PDCD10: variants seen among roughly 807,000 people sequenced by gnomAD.
PDCD10 encodes programmed cell death 10, also known as programmed cell death protein 10.
A neutral mutation model predicts 29.2 loss-of-function variants in PDCD10; 4 were observed. The ratio of observed to expected loss-of-function variants is 0.14; its 90% CI spans 0.07 to 0.31. The LOEUF (loss-of-function observed/expected upper bound fraction) is 0.31. Among genes scored for constraint, PDCD10 ranks in the 10% least tolerant of loss-of-function variants. The pLI is 1.00. For synonymous variants in PDCD10, 70 were observed against 82.2 expected (o/e 0.85, Z 0.80); for missense variants, 183 against 257.9 (o/e 0.71, Z 1.99).
intron 4 of PDCD10, among the ~76,000 whole-genome samples, chr3:167,700,642 A>G (rs892825001): frequency 2.6e-5 from 4 of 152,166 alleles, no homozygotes; most frequent in Non-Finnish European, 5.9e-5. Context: ...ATACCTATAG[A>G]CCCTAATATG....
At chr3:167,724,239 CAGTT>C (rs1176668349) in intron 2 of PDCD10, among the ~76,000 whole-genome samples, 1 of 152,200 alleles carries the variant, frequency 6.6e-6, no homozygotes, top group Non-Finnish European at 1.5e-5. Context: ...AGGCACTTCT[CAGTT>C]AGAAAAACAG....
intron 4 of PDCD10, among the ~76,000 whole-genome samples, chr3:167,698,643 C>T (rs1434754536): frequency 1.7e-4 from 26 of 152,154 alleles, no homozygotes; most frequent in Admixed American, 1.7e-3. Context: ...ATGCGGTGAA[C>T]TGCCACAAAA....
chr3:167,723,040 A>G (rs553768931), intron 2 of PDCD10, among the ~76,000 whole-genome samples: 1 of 152,314 alleles, frequency 6.6e-6, no homozygotes, highest in South Asian at 2.1e-4. Flanking sequence ...CTTATGAAAA[A>G]TGCTCCAAAG....
rs568748327 is a variant in PDCD10, at chr3:167,705,079, C to T, written c.97-184G>A. 7.2e-5 allele frequency among the ~76,000 whole-genome samples: 11 copies of T among 152,026 alleles called. No individual in the cohort carries two copies. In the South Asian group the frequency reaches 2.3e-3, roughly 32 times the overall value. ...AAATTTTCAATGAAAAAATATATGT[C>T]CTTAATTTTTTATTAAAAAAATTAA... On this transcript the variant is annotated intron_variant, in intron 3 of 8. Coordinates refer to ENST00000392750, the MANE Select transcript of PDCD10 (RefSeq NM_007217.4).
intron 3 of PDCD10, among the ~76,000 whole-genome samples, chr3:167,706,496 T>C (rs1470517526): frequency 6.6e-6 from 1 of 152,238 alleles, no homozygotes; most frequent in African/African-American, 2.4e-5. Flanking sequence ...AACCTGATGT[T>C]TACTGAACTA....
intron 2 of PDCD10, among the ~76,000 whole-genome samples, chr3:167,728,103 AGT>A (rs1234092309): frequency 5.3e-5 from 8 of 152,168 alleles, no homozygotes; most frequent in Non-Finnish European, 8.8e-5. Flanking sequence ...ACTTCGCAAA[AGT>A]GTGATTTATT....
chr3:167,701,653 C>T (rs1184698188), intron 4 of PDCD10, among the ~76,000 whole-genome samples: 2 of 152,246 alleles, frequency 1.3e-5, no homozygotes, highest in East Asian at 1.9e-4. Flanking sequence ...GATCAAGAAC[C>T]TTTAAAGCTC....
chr3:167,723,247 G>A (rs913394225), intron 2 of PDCD10, among the ~76,000 whole-genome samples: 4 of 152,104 alleles, frequency 2.6e-5, no homozygotes, highest in African/African-American at 9.7e-5. Flanking sequence ...AATAGTTCAA[G>A]GGACAACCTG....
chr3:167,724,283 T>C (rs1354637940), intron 2 of PDCD10, among the ~76,000 whole-genome samples: 2 of 152,224 alleles, frequency 1.3e-5, no homozygotes, highest in African/African-American at 4.8e-5. Flanking sequence ...CTTAAAACGT[T>C]TGTAGGCAGG....
At chr3:167,703,319 A>G (rs967833383) in intron 4 of PDCD10, among the ~76,000 whole-genome samples, 2 of 152,092 alleles carry the variant, frequency 1.3e-5, no homozygotes, top group African/African-American at 4.8e-5. Flanking sequence ...CATTAACCCA[A>G]TGATTTGGCA....
chr3:167,687,209 G>A, intron 8 of PDCD10, 25 bp downstream of exon 8: 1 of 1,134,508 alleles, frequency 8.8e-7, no homozygotes, highest in Non-Finnish European at 1.3e-6. Flanking sequence ...AATTTTAAAA[G>A]TAAAGGATAA....
At chr3:167,726,030 T>C (rs1478571649) in intron 2 of PDCD10, among the ~76,000 whole-genome samples, 1 of 150,860 alleles carries the variant, frequency 6.6e-6, no homozygotes, top group Middle Eastern at 3.5e-3. Context: ...GATCTTCAAC[T>C]TGGTGCTGCT....
intron 3 of PDCD10, among the ~76,000 whole-genome samples, chr3:167,717,067 G>A (rs1432338956): frequency 2.6e-5 from 4 of 151,946 alleles, no homozygotes; most frequent in African/African-American, 9.7e-5. Context: ...CTATTTCACA[G>A]TACATTTACA....
chr3:167,699,774 T>C (rs1052505188), intron 4 of PDCD10, among the ~76,000 whole-genome samples: 6 of 152,230 alleles, frequency 3.9e-5, no homozygotes, highest in Non-Finnish European at 7.3e-5. Context: ...AAGTAGAATA[T>C]AGCTGACCCT....
At chr3:167,731,111 G>C (rs975163399) in intron 2 of PDCD10, 2 of 152,024 alleles carry the variant, frequency 1.3e-5, no homozygotes, top group South Asian at 4.1e-4. Flanking sequence ...ACTTTTTTTA[G>C]TTTAATAAGT....
chr3:167,723,719 T>C (rs1035720602), intron 2 of PDCD10, among the ~76,000 whole-genome samples: 9 of 152,238 alleles, frequency 5.9e-5, no homozygotes, highest in South Asian at 2.1e-4. Context: ...AAGCTTTGTG[T>C]ACTGTTGGCA....
At chr3:167,698,874 C>T (rs1721084916) in intron 4 of PDCD10, among the ~76,000 whole-genome samples, 1 of 152,050 alleles carries the variant, frequency 6.6e-6, no homozygotes, top group East Asian at 1.9e-4. Context: ...GTCTGGGACC[C>T]CAAAATGCTA....
chr3:167,715,422 C>G (rs927836703), intron 3 of PDCD10, among the ~76,000 whole-genome samples: 4 of 151,708 alleles, frequency 2.6e-5, no homozygotes, highest in African/African-American at 9.7e-5. Context: ...AATAGCACAT[C>G]AAGTTAAAAA....
At chr3:167,721,363 A>C (rs757920559) in intron 2 of PDCD10, among the ~76,000 whole-genome samples, 9 of 152,276 alleles carry the variant, frequency 5.9e-5, no homozygotes, top group South Asian at 2.1e-4. Flanking sequence ...CAGATCTTAT[A>C]CTCTCACATA....
Sources: gnomAD v4.1 joint callset for allele counts (sites outside exome capture counted in the v4.1 genomes callset) on GRCh38, gnomAD v4.1.1 for gene constraint, MANE v1.5 for transcripts, NCBI Gene and HGNC (gene_info 2026-07-23, HGNC 2026-07-21) for gene names.